The following THSD7B variants were observed in gnomAD, a reference collection of about 807,000 sequenced individuals.
THSD7B encodes the protein thrombospondin type-1 domain-containing protein 7B.
Under a neutral mutation model 213.6 loss-of-function variants are expected in THSD7B, and 138 were observed. The observed-to-expected ratio is 0.65, with a 90% CI of 0.56 to 0.74. THSD7B has a LOEUF of 0.74. Ranked by LOEUF, THSD7B falls within the 30% of genes least tolerant of loss-of-function variation. The pLI is 0.00. For synonymous variants in THSD7B, 742 were observed against 687.0 expected, an observed-to-expected ratio of 1.08 and a Z score of -1.25; for missense variants, 1,931 against 1,991.5, an observed-to-expected ratio of 0.97 and a Z score of 0.58.
At chr2:137,613,246 A>G (rs1682320607) in intron 17 of THSD7B, among the ~76,000 whole-genome samples, 1 of 152,108 alleles carries the variant, frequency 6.6e-6, no homozygotes, top group Admixed American at 6.6e-5. Flanking sequence ...CGTGAATTGC[A>G]TCTGCATGGT....
intron 3 of THSD7B, among the ~76,000 whole-genome samples, chr2:137,086,201 A>T (rs1037009214): frequency 1.3e-5 from 2 of 151,858 alleles, no homozygotes; most frequent in East Asian, 3.9e-4. Context: ...GCTGGGCGTG[A>T]TGGTGCACGC....
chr2:137,180,610 T>C (rs1680436327), intron 7 of THSD7B, among the ~76,000 whole-genome samples: 1 of 152,152 alleles, frequency 6.6e-6, no homozygotes, highest in South Asian at 2.1e-4. Context: ...TTGGGAACTA[T>C]TGTTATTTTT....
At chr2:137,210,255 A>G (rs1475062303) in intron 7 of THSD7B, among the ~76,000 whole-genome samples, 1 of 152,086 alleles carries the variant, frequency 6.6e-6, no homozygotes, top group Non-Finnish European at 1.5e-5. Flanking sequence ...TCATCTATCA[A>G]GCTTTCACTT....
At chr2:137,077,405 A>T (rs1296758710) in intron 3 of THSD7B, among the ~76,000 whole-genome samples, 1 of 152,156 alleles carries the variant, frequency 6.6e-6, no homozygotes, top group African/African-American at 2.4e-5. Flanking sequence ...CGCCACACTG[A>T]CTTCCACAAT....
At chr2:137,526,702 G>A (rs1308380212) in intron 15 of THSD7B, among the ~76,000 whole-genome samples, 2 of 152,066 alleles carry the variant, frequency 1.3e-5, no homozygotes, top group East Asian at 3.9e-4. Flanking sequence ...GGGATTACAG[G>A]CATGAGCCAC....
intron 17 of THSD7B, among the ~76,000 whole-genome samples, chr2:137,592,059 G>T (rs1219663373): frequency 1.3e-5 from 2 of 151,706 alleles, no homozygotes; most frequent in African/African-American, 2.4e-5. Context: ...GCTATAAAAA[G>T]AAAGGATCTT....
At chr2:137,300,498 T>C (rs1213191326) in intron 12 of THSD7B, among the ~76,000 whole-genome samples, 1 of 152,154 alleles carries the variant, frequency 6.6e-6, no homozygotes, top group Non-Finnish European at 1.5e-5. Flanking sequence ...TGTATATGTG[T>C]GTGTGTTTTC....
At chr2:137,555,357 CGATTA>C (rs767252626) in intron 15 of THSD7B, among the ~76,000 whole-genome samples, 19 of 152,160 alleles carry the variant, frequency 1.2e-4, no homozygotes, top group Non-Finnish European at 2.2e-4. Context: ...TCCAGGGGAA[CGATTA>C]GACAGCAACA....
At chr2:137,433,909 A>G (rs1687238460) in intron 14 of THSD7B, among the ~76,000 whole-genome samples, 1 of 152,182 alleles carries the variant, frequency 6.6e-6, no homozygotes, top group Non-Finnish European at 1.5e-5. Context: ...ATAATGCAGA[A>G]CTGCACTTTT....
At chr2:137,580,985 A>G (rs1007053452) in intron 17 of THSD7B, among the ~76,000 whole-genome samples, 4 of 152,314 alleles carry the variant, frequency 2.6e-5, no homozygotes, top group East Asian at 3.9e-4. Context: ...TTACAATTCA[A>G]CATGAGATTT....
In THSD7B at chr2:137,659,743, A is replaced by G. The variant is rs16839256; in HGVS notation, c.4455A>G (p.Thr1485=). The G allele has an allele frequency of 5.0e-3, 7,944 of 1,600,592 alleles. 294 individuals are homozygous for G. The African/African-American group carries it at 0.09, about 18-fold the overall frequency. The part of the protein sequence containing the change: ...PACRKPFSYC[T]QGGVCGCEKG... ...GCAGAAAACCTTTCTCCTACTGTAC[A>G]CAGGTGAGTCATGTGCTGGAGTCTT... Residue 1485 remains threonine (T), a synonymous_variant, in exon 25 of 28, where the codon ACA becomes ACG. Coordinates refer to ENST00000409968, the MANE Select transcript of THSD7B (RefSeq NM_001316349.2).
intron 3 of THSD7B, among the ~76,000 whole-genome samples, chr2:137,089,272 G>GTGTGTGTA (rs1558916460): frequency 7.2e-6 from 1 of 138,940 alleles, no homozygotes; most frequent in African/African-American, 3.0e-5. Context: ...GTGTGTGTGT[G>GTGTGTGTA]TGTATATGTA....
At chr2:137,042,630 T>C in intron 2 of THSD7B, among the ~76,000 whole-genome samples, 1 of 152,192 alleles carries the variant, frequency 6.6e-6, no homozygotes. Context: ...ACTTAAAACA[T>C]TTTGGAAAAT....
intron 12 of THSD7B, among the ~76,000 whole-genome samples, chr2:137,279,489 G>A (rs1002570382): frequency 6.6e-6 from 1 of 152,138 alleles, no homozygotes; most frequent in Non-Finnish European, 1.5e-5. Flanking sequence ...GCTACAGTGA[G>A]CTGTGATCAT....
At chr2:137,215,888 T>C (rs1021736047) in intron 7 of THSD7B, among the ~76,000 whole-genome samples, 2 of 152,188 alleles carry the variant, frequency 1.3e-5, no homozygotes, top group Non-Finnish European at 2.9e-5. Context: ...GATTAAGCTA[T>C]GTGATAGGCC....
intron 5 of THSD7B, among the ~76,000 whole-genome samples, chr2:137,149,489 C>CT (rs1679771631): frequency 6.6e-6 from 1 of 152,188 alleles, no homozygotes; most frequent in Non-Finnish European, 1.5e-5. Flanking sequence ...TCCCATGAGC[C>CT]TTCCTGTTCT....
intron 25 of THSD7B, among the ~76,000 whole-genome samples, chr2:137,661,042 T>C (rs1471376616): frequency 2.0e-5 from 3 of 152,172 alleles, no homozygotes; most frequent in African/African-American, 7.2e-5. Flanking sequence ...TGAGTAGCTA[T>C]GTGAAGCTAA....
intron 7 of THSD7B, among the ~76,000 whole-genome samples, chr2:137,189,434 C>T (rs1315136502): frequency 6.6e-6 from 1 of 152,112 alleles, no homozygotes; most frequent in Non-Finnish European, 1.5e-5. Context: ...TCGCTCTAGG[C>T]CCTGCTCTTT....
rs184001563 is a variant in THSD7B at position 137,068,994 on chromosome 2, C to G, written c.950+11764C>G. On this transcript the variant is annotated intron_variant, in intron 3 of 27. Transcript: ENST00000409968. ...TTGCTCTGACTTTTGATAATCGCCT[C>G]AAACGATTTTCTTTTCACAGTTATA... 2.4e-4 allele frequency among the ~76,000 whole-genome samples: 37 copies of G among 152,178 alleles called. No homozygotes were observed. In the East Asian group the frequency reaches 7.1e-3, roughly 29 times the overall value.
Sources: gnomAD v4.1 joint callset for allele counts (sites outside exome capture counted in the v4.1 genomes callset) on GRCh38, gnomAD v4.1.1 for gene constraint, MANE v1.5 for transcripts, NCBI Gene and HGNC (gene_info 2026-07-23, HGNC 2026-07-21) for gene names.